The following DCP1B variants were observed in gnomAD, a reference collection of about 807,000 sequenced individuals.
DCP1B encodes the protein decapping mRNA 1B, also known as mRNA-decapping enzyme 1B.
DCP1B carries 47 observed loss-of-function variants against 60.5 expected under a neutral mutation model. That is an observed-to-expected ratio of 0.78 (90% CI 0.61 to 0.99). The LOEUF (loss-of-function observed/expected upper bound fraction) is 0.99, where lower values mean the gene tolerates loss of function less well. Among genes scored for constraint, DCP1B ranks in the 50% least tolerant of loss-of-function variants. The pLI is 0.00. For missense variants in DCP1B, 725 were observed against 756.8 expected (o/e 0.96, Z 0.49); for synonymous variants, 267 against 280.3 (o/e 0.95, Z 0.47).
At chr12:1,951,538 G>T (rs1457810153) in intron 7 of DCP1B, among the ~76,000 whole-genome samples, 1 of 152,150 alleles carries the variant, frequency 6.6e-6, no homozygotes, top group Non-Finnish European at 1.5e-5. Flanking sequence ...TCTAAAAACT[G>T]TCATATTTTC....
chr12:1,941,886 G>A (rs185490048), downstream of DCP1B, among the ~76,000 whole-genome samples: 42 of 152,166 alleles, frequency 2.8e-4, no homozygotes, highest in African/African-American at 9.2e-4. Context: ...ATCAACTAAC[G>A]GGCAAAATAA....
At chr12:1,996,438 G>A (rs2040807050) in intron 2 of DCP1B, among the ~76,000 whole-genome samples, 1 of 151,626 alleles carries the variant, frequency 6.6e-6, no homozygotes, top group Non-Finnish European at 1.5e-5. Flanking sequence ...TCTTCCTGTT[G>A]AGACTGCCTT....
intron 3 of DCP1B, chr12:1,970,958 A>C: frequency 1.8e-6 from 1 of 540,860 alleles, no homozygotes; most frequent in Non-Finnish European, 2.8e-6. Context: ...CTGAAATGTT[A>C]CTGCAGGAAT....
chr12:1,997,912 T>C, intron 2 of DCP1B, 23 bp downstream of exon 2: 1 of 1,581,216 alleles, frequency 6.3e-7, no homozygotes, highest in South Asian at 1.2e-5. Flanking sequence ...ATTAGTTTCT[T>C]TATAAAAGTG....
At chr12:1,942,876 A>C (rs991000187), downstream of DCP1B, among the ~76,000 whole-genome samples, 1 of 152,234 alleles carries the variant, frequency 6.6e-6, no homozygotes, top group African/African-American at 2.4e-5. Flanking sequence ...CTAACATCAC[A>C]ATTAAAAGAA....
chr12:2,001,987 T>C (rs146907357), intron 1 of DCP1B, among the ~76,000 whole-genome samples: 6 of 152,330 alleles, frequency 3.9e-5, no homozygotes, highest in Non-Finnish European at 5.9e-5. Context: ...AATTGACACA[T>C]AGGTATTAAT....
At position 1,946,143 on chromosome 12, in the gene DCP1B, T is replaced by G; in HGVS notation, c.*63A>C. The G allele has an allele frequency of 7.7e-7, 1 of 1,293,194 alleles. No individual in the cohort carries two copies. The highest frequency in any genetic ancestry group is 1.6e-5 in the South Asian group (1 of 61,746). 80.1% of individuals were successfully genotyped at this position (1,293,194 alleles called of 1,614,324 possible). A position where few individuals can be genotyped will look rare whatever the true frequency, so the allele number is the denominator to read the frequency against. Reference sequence around the variant, plus strand: ...ACATTGAAGGAAACAACACTCAACATGAAAGAACCTTGTGCCGGAGTTCTA... The same window carrying G: ...ACATTGAAGGAAACAACACTCAACAGGAAAGAACCTTGTGCCGGAGTTCTA... On this transcript the variant is annotated 3_prime_UTR_variant, in exon 9 of 9. Coordinates refer to ENST00000280665, the MANE Select transcript of DCP1B (RefSeq NM_152640.5).
chr12:1,978,378 G>A (rs543384764), intron 3 of DCP1B, among the ~76,000 whole-genome samples: 3 of 152,318 alleles, frequency 2.0e-5, no homozygotes, highest in Non-Finnish European at 4.4e-5. Context: ...TAAAGAGTTA[G>A]TGTAATATTC....
chr12:1,988,609 C>A (rs1565838811), intron 3 of DCP1B, among the ~76,000 whole-genome samples: 1 of 152,196 alleles, frequency 6.6e-6, no homozygotes, highest in Non-Finnish European at 1.5e-5. Context: ...GATCCTTCAT[C>A]CTTTGGGTTT....
At position 1,980,081 on chromosome 12, in the gene DCP1B, A is replaced by G. The variant is rs149509470; in HGVS notation, c.320-12171T>C. On this transcript the variant is annotated intron_variant, in intron 3 of 8. Coordinates refer to ENST00000280665, the MANE Select transcript of DCP1B (RefSeq NM_152640.5). The stretch of plus-strand genomic sequence containing the variant: ...AGTATCTCTAAAGCTAAACAAACCC[A>G]TACACTATGTCCCCATCAATTTCAC... Among the ~76,000 whole-genome samples the G allele has an allele frequency of 3.2e-3, 481 of 152,340 alleles. 2 individuals are homozygous for G. The highest frequency in any genetic ancestry group is 0.011 in the African/African-American group (444 of 41,584).
chr12:1,961,831 G>A lies in DCP1B; in HGVS notation c.522+3727C>T, dbSNP rs116872265. Among the ~76,000 whole-genome samples, 41 of 152,288 alleles carry A rather than the reference G, an allele frequency of 2.7e-4. No individual in the cohort carries two copies. In the East Asian group the frequency reaches 7.3e-3, roughly 27 times the overall value. On this transcript the variant is annotated intron_variant, in intron 5 of 8. Transcript: ENST00000280665. ...CCAAGACATAGGCACAGTATAAAGT[G>A]ATGGCCTAAATTAAATCTCCAGAAC...
intron 8 of DCP1B, among the ~76,000 whole-genome samples, chr12:1,947,070 A>C (rs2030456346): frequency 6.6e-6 from 1 of 152,216 alleles, no homozygotes; most frequent in African/African-American, 2.4e-5. Context: ...AATATGCTTC[A>C]TCAGTACTTC....
chr12:1,956,619 G>A (rs756295498), intron 5 of DCP1B, among the ~76,000 whole-genome samples: 7 of 152,304 alleles, frequency 4.6e-5, no homozygotes, highest in South Asian at 2.1e-4. Context: ...CAAGTATTAC[G>A]TGGGATGCAA....
At chr12:1,983,250 TTTCTC>T (rs754324957) in intron 3 of DCP1B, among the ~76,000 whole-genome samples, 16 of 151,966 alleles carry the variant, frequency 1.1e-4, no homozygotes, top group Non-Finnish European at 2.4e-4. Flanking sequence ...ATCTCATTGA[TTTCTC>T]TTCTTTTTAT....
chr12:1,943,700 C>T (rs1194239118), downstream of DCP1B, among the ~76,000 whole-genome samples: 1 of 152,186 alleles, frequency 6.6e-6, no homozygotes, highest in East Asian at 1.9e-4. Flanking sequence ...ACATGATTAT[C>T]TCAATAGATG....
At chr12:1,968,662 C>T (rs2031528514) in intron 3 of DCP1B, among the ~76,000 whole-genome samples, 1 of 152,190 alleles carries the variant, frequency 6.6e-6, no homozygotes. Flanking sequence ...CTAGAAGCCT[C>T]CCTCCCCTTC....
chr12:1,994,200 G>A (rs142051121), intron 2 of DCP1B, among the ~76,000 whole-genome samples: 5 of 152,288 alleles, frequency 3.3e-5, no homozygotes, highest in East Asian at 1.9e-4. Context: ...ATTCAACTGC[G>A]CAACTTCCGG....
intron 1 of DCP1B, 170 bp downstream of exon 1, chr12:2,004,112 C>T: frequency 1.0e-6 from 1 of 953,680 alleles, no homozygotes; most frequent in Non-Finnish European, 1.5e-6. Context: ...CCTTCCTTCC[C>T]CCAAACCCCC....
intron 3 of DCP1B, among the ~76,000 whole-genome samples, chr12:1,985,649 G>C (rs1565828383): frequency 6.6e-6 from 1 of 152,006 alleles, no homozygotes; most frequent in Non-Finnish European, 1.5e-5. Context: ...ATTTTGGATT[G>C]CACCCTGGAC....
Sources: gnomAD v4.1 joint callset for allele counts (sites outside exome capture counted in the v4.1 genomes callset) on GRCh38, gnomAD v4.1.1 for gene constraint, MANE v1.5 for transcripts, NCBI Gene and HGNC (gene_info 2026-07-23, HGNC 2026-07-21) for gene names.